The following GPR55 variants were observed in gnomAD, a reference collection of about 807,000 sequenced individuals.
GPR55 encodes G protein-coupled receptor 55, also known as G-protein coupled receptor 55.
A neutral mutation model predicts 7.9 loss-of-function variants in GPR55; 6 were observed. The ratio of observed to expected loss-of-function variants is 0.76; its 90% CI spans 0.41 to 1.49. The LOEUF is 1.49. Among genes scored for constraint, GPR55 ranks in the 40% most tolerant of loss-of-function variants. GPR55 has a pLI of 0.01. For missense variants in GPR55, 376 were observed against 406.0 expected (o/e 0.93, Z 0.63); for synonymous variants, 183 against 166.8 (o/e 1.10, Z -0.75).
chr2:230,951,050 G>C (rs1038115562), intron 1 of GPR55, among the ~76,000 whole-genome samples: 1 of 152,040 alleles, frequency 6.6e-6, no homozygotes, highest in East Asian at 1.9e-4. Flanking sequence ...TAGAATCAAC[G>C]GGCTAATGTG....
chr2:230,921,242 T>C (rs1251986000), intron 1 of GPR55, among the ~76,000 whole-genome samples: 2 of 152,182 alleles, frequency 1.3e-5, no homozygotes, highest in African/African-American at 4.8e-5. Flanking sequence ...CTGGAGCCCT[T>C]AGTGCCCCTC....
chr2:230,910,719 C>G lies in GPR55; in HGVS notation c.244G>C (p.Val82Leu). 2 of 1,613,978 alleles carry G rather than the reference C, an allele frequency of 1.2e-6. No homozygotes were observed. The highest frequency in any genetic ancestry group is 1.7e-6 in the Non-Finnish European group (2 of 1,179,880). ...LLVLSLPFKM[V>L]LSQVQSPFPS... Reference sequence around the variant, plus strand: ...AAGGGGGACTGTACCTGGGACAGGACCATCTTGAATGGGAGGGAGAGCACC... The same window carrying G: ...AAGGGGGACTGTACCTGGGACAGGAGCATCTTGAATGGGAGGGAGAGCACC... Residue 82 changes from valine (V) to leucine (L), a missense_variant, in exon 2 of 2, where the codon GTC (valine) becomes CTC (leucine). Physicochemically the swap from Val to Leu is conservative, Grantham distance 32. Transcript: ENST00000650999. This position sits in a 1 kb window ranked among gnomAD's most constrained non-coding sequence, Gnocchi z 5.4.
At chr2:230,927,306 G>A (rs1204755087), upstream of GPR55, among the ~76,000 whole-genome samples, 1 of 152,090 alleles carries the variant, frequency 6.6e-6, no homozygotes, top group Non-Finnish European at 1.5e-5. Flanking sequence ...TCTCCTGTGG[G>A]TATCCCTTGG....
chr2:230,909,852 A>T lies in GPR55; in HGVS notation c.*151T>A. The T allele has an allele frequency of 1.3e-6, 1 of 792,736 alleles. No individual in the cohort carries two copies. The highest frequency in any genetic ancestry group is 2.5e-5 in the Admixed American group (1 of 39,994). The allele number at this position is 792,736 out of a possible 1,614,324, so 49.1% of individuals were successfully genotyped here. A position where few individuals can be genotyped will look rare whatever the true frequency, so the allele number is the denominator to read the frequency against. ...GTGGAAAAAAGGTCTTTGGGGTATA[A>T]TGAGCAAAGCTGGCACTCAATGGGC... On this transcript the variant is annotated 3_prime_UTR_variant, in exon 2 of 2. Transcript: ENST00000650999.
chr2:230,942,807 C>T lies in GPR55; in HGVS notation c.-135+17968G>A, dbSNP rs548309325. ...GAACCCCCCACTCTCCACCCCCACC[C>T]CCATCCACAAGAATGGGGTAAGGGG... On this transcript the variant is annotated intron_variant, in intron 1 of 1. Transcript: ENST00000392039. Among the ~76,000 whole-genome samples, 7 of 152,114 alleles carry T rather than the reference C, an allele frequency of 4.6e-5. No individual in the cohort carries two copies. The East Asian group carries it at 1.4e-3, about 30-fold the overall frequency.
At chr2:230,951,132 T>C (rs1691396142) in intron 1 of GPR55, among the ~76,000 whole-genome samples, 1 of 152,134 alleles carries the variant, frequency 6.6e-6, no homozygotes, top group Non-Finnish European at 1.5e-5. Context: ...AACCCCAACT[T>C]GAAGTTGGTC....
At chr2:230,933,745 G>A (rs770645390) in intron 1 of GPR55, among the ~76,000 whole-genome samples, 1 of 152,208 alleles carries the variant, frequency 6.6e-6, no homozygotes, top group African/African-American at 2.4e-5. Context: ...CTGGAAGTCA[G>A]CGTCTCCAGG....
At chr2:230,950,616 C>G (rs1259565974) in intron 1 of GPR55, among the ~76,000 whole-genome samples, 1 of 152,138 alleles carries the variant, frequency 6.6e-6, no homozygotes, top group Admixed American at 6.5e-5. Flanking sequence ...TAATATCATT[C>G]ACAAGAAGTG....
rs985823205 is a variant in GPR55, at chr2:230,944,519, G to A, written c.-135+16256C>T. 9.9e-5 allele frequency among the ~76,000 whole-genome samples: 15 copies of A among 152,272 alleles called. No homozygotes were observed. Among genetic ancestry groups the A allele is most frequent in the African/African-American group, 2.6e-4 (11 of 41,552 alleles). On this transcript the variant is annotated intron_variant, in intron 1 of 1. Transcript: ENST00000392039. The surrounding 1 kb of genome is among the most constrained non-coding windows in gnomAD (Gnocchi z 4.2). ...CACAACAGAGATGACTGTGACACCC[G>A]GCACAAGATTTAATTCTCAGAGTGA...
chr2:230,909,739 A>G lies in GPR55; in HGVS notation c.*264T>C. ...CTCTTTCTCAATTCTTCTGCTCTAT[A>G]GTTTTTGGACTTAGAAATCAGTAAT... On this transcript the variant is annotated 3_prime_UTR_variant, in exon 2 of 2. Coordinates refer to ENST00000650999, the MANE Select transcript of GPR55 (RefSeq NM_005683.4). The G allele has an allele frequency of 2.3e-6, 1 of 433,468 alleles. No individual in the cohort carries two copies. Among genetic ancestry groups the G allele is most frequent in the Non-Finnish European group, 4.1e-6 (1 of 241,380 alleles). The allele number at this position is 433,468 out of a possible 1,614,324, so 26.9% of individuals were successfully genotyped here.
chr2:230,909,847 G>A lies in GPR55; in HGVS notation c.*156C>T. On this transcript the variant is annotated 3_prime_UTR_variant, in exon 2 of 2. Transcript: ENST00000650999. ...GGGCAGTGGAAAAAAGGTCTTTGGG[G>A]TATAATGAGCAAAGCTGGCACTCAA... 5.3e-6 allele frequency: 4 copies of A among 751,736 alleles called. No individual in the cohort carries two copies. Among genetic ancestry groups the A allele is most frequent in the Non-Finnish European group, 8.8e-6 (4 of 456,334 alleles). 46.6% of individuals were successfully genotyped at this position (751,736 alleles called of 1,614,324 possible).
intron 1 of GPR55, among the ~76,000 whole-genome samples, chr2:230,950,591 GT>G (rs889508117): frequency 4.6e-5 from 7 of 152,144 alleles, no homozygotes; most frequent in Non-Finnish European, 1.0e-4. Flanking sequence ...CTGGAAATAG[GT>G]TTTTCATTAT....
At chr2:230,922,644 C>T (rs1240880857) in intron 1 of GPR55, among the ~76,000 whole-genome samples, 5 of 151,332 alleles carry the variant, frequency 3.3e-5, no homozygotes, top group East Asian at 3.9e-4. Flanking sequence ...GGTGTGATCT[C>T]GGCTCACTGC....
chr2:230,914,799 A>G (rs1374679587), intron 1 of GPR55, among the ~76,000 whole-genome samples: 1 of 152,234 alleles, frequency 6.6e-6, no homozygotes, highest in Non-Finnish European at 1.5e-5. Context: ...TGGGAGGTTG[A>G]GTCCCCTCAG....
intron 1 of GPR55, among the ~76,000 whole-genome samples, chr2:230,932,033 T>G (rs1290694136): frequency 1.3e-5 from 2 of 151,834 alleles, no homozygotes; most frequent in African/African-American, 4.8e-5. Flanking sequence ...CTCCTCACCA[T>G]CCCCAGACAG....
upstream of GPR55, among the ~76,000 whole-genome samples, chr2:230,928,898 T>C (rs1465203438): frequency 6.6e-6 from 1 of 152,130 alleles, no homozygotes; most frequent in African/African-American, 2.4e-5. Context: ...AGGGTTGAGC[T>C]CCAAGAGCTG....
intron 1 of GPR55, among the ~76,000 whole-genome samples, chr2:230,936,744 A>G (rs1691139508): frequency 6.6e-6 from 1 of 152,236 alleles, no homozygotes. Context: ...AAAACCCTTG[A>G]GGCCAGGATT....
At chr2:230,933,015 A>T (rs1248369591) in intron 1 of GPR55, among the ~76,000 whole-genome samples, 3 of 152,268 alleles carry the variant, frequency 2.0e-5, no homozygotes, top group Admixed American at 2.0e-4. Context: ...TTTGGCAACG[A>T]TGAAGGGAAA....
rs2125046562 is a variant in GPR55 at position 230,910,897 on chromosome 2, T to C, written c.66A>G (p.Leu22=). 1 of 1,613,812 alleles carries C rather than the reference T, an allele frequency of 6.2e-7. No homozygotes were observed. The highest frequency in any genetic ancestry group is 8.5e-7 in the Non-Finnish European group (1 of 1,179,726). The change falls in exon 2 of 2, where the codon CTA becomes CTG. Residue 22 remains leucine, a synonymous_variant. Coordinates refer to ENST00000650999, the MANE Select transcript of GPR55 (RefSeq NM_005683.4). This position sits in a 1 kb window ranked among gnomAD's most constrained non-coding sequence, Gnocchi z 5.4. ...FDGVNELMKT[L]QFAVHIPTFV... ...AGGTGGGGATGTGGACTGCAAACTG[T>C]AGGGTTTTCATCAGCTCGTTGACAC... is the stretch of plus-strand genomic sequence containing the variant.
Sources: gnomAD v4.1 joint callset for allele counts (sites outside exome capture counted in the v4.1 genomes callset) on GRCh38, gnomAD v4.1.1 for gene constraint, Gnocchi (gnomAD v3.1) non-coding constraint, MANE v1.5 for transcripts, NCBI Gene and HGNC (gene_info 2026-07-23, HGNC 2026-07-21) for gene names.